The following MAPK10 variants were observed in gnomAD, a reference collection of about 807,000 sequenced individuals.
The protein encoded by MAPK10 is JNK3 alpha protein kinase.
A neutral mutation model predicts 59.3 loss-of-function variants in MAPK10; 25 were observed. That is an observed-to-expected ratio of 0.42 (90% CI 0.31 to 0.59). The LOEUF (loss-of-function observed/expected upper bound fraction) is 0.59, where lower values mean the gene tolerates loss of function less well. Ranked by LOEUF, MAPK10 falls within the 20% of genes least tolerant of loss-of-function variation. The probability of loss-of-function intolerance (pLI) is 0.15; values close to 1 mark genes in which losing one functional copy is unlikely to be tolerated. For missense variants in MAPK10, 351 were observed against 568.9 expected, an observed-to-expected ratio of 0.62 and a Z score of 3.90; for synonymous variants, 190 against 200.5, an observed-to-expected ratio of 0.95 and a Z score of 0.44.
intron 2 of MAPK10, among the ~76,000 whole-genome samples, chr4:86,286,496 A>T (rs531327780): frequency 6.6e-6 from 1 of 152,274 alleles, no homozygotes; most frequent in Non-Finnish European, 1.5e-5. Flanking sequence ...TATATTATTA[A>T]CTCATTTAAT....
At chr4:86,481,289 G>A (rs557006465) in intron 1 of MAPK10, among the ~76,000 whole-genome samples, 2 of 152,116 alleles carry the variant, frequency 1.3e-5, no homozygotes, top group African/African-American at 4.8e-5. Flanking sequence ...GAGAAAATCA[G>A]AGAGACCTTG....
In MAPK10 at chr4:86,017,622, TA is replaced by T. The variant is rs1165760623; in HGVS notation, c.1253-253del. Among the ~76,000 whole-genome samples, 5 of 152,204 alleles carry T rather than the reference TA, an allele frequency of 3.3e-5. No homozygotes were observed. Among genetic ancestry groups the T allele is most frequent in the African/African-American group, 1.2e-4 (5 of 41,458 alleles). On this transcript the variant is annotated intron_variant, in intron 13 of 13. Transcript: ENST00000641462. This position sits in a 1 kb window ranked among gnomAD's most constrained non-coding sequence, Gnocchi z 4.4. ...TGAAATCACCTGCAACACTTTCTAT[TA>T]AAAAACACTAATATCTGGTCACATT...
intron 2 of MAPK10, among the ~76,000 whole-genome samples, chr4:86,243,054 G>GCGGGAGGGGGGTCCCCTTCCC (rs1315809113): frequency 6.6e-6 from 1 of 152,200 alleles, no homozygotes; most frequent in African/African-American, 2.4e-5. Context: ...CCCTTGGCTG[G>GCGGGAGGGGGGTCCCCTTCCC]CGGGAGGGGG....
chr4:86,209,582 G>T (rs967832786), intron 2 of MAPK10, among the ~76,000 whole-genome samples: 6 of 151,928 alleles, frequency 3.9e-5, no homozygotes, highest in African/African-American at 9.7e-5. Context: ...CATATTAGTA[G>T]ATTCAAATTT....
intron 1 of MAPK10, chr4:86,399,927 T>C (rs573452205): frequency 1.3e-5 from 2 of 152,182 alleles, no homozygotes; most frequent in Non-Finnish European, 1.5e-5. Flanking sequence ...ATAATAGACA[T>C]AGAATTATCT....
chr4:86,377,213 T>C (rs754546105), intron 1 of MAPK10, among the ~76,000 whole-genome samples: 1 of 152,200 alleles, frequency 6.6e-6, no homozygotes, highest in Non-Finnish European at 1.5e-5. Flanking sequence ...GTAAAAGACA[T>C]CCAGGTTCTC....
intron 2 of MAPK10, among the ~76,000 whole-genome samples, chr4:86,215,954 AC>A (rs1296085777): frequency 6.6e-6 from 1 of 152,206 alleles, no homozygotes; most frequent in East Asian, 1.9e-4. Context: ...AACAATCAAA[AC>A]TACAGAAAAT....
chr4:86,417,146 T>C (rs1386182998), intron 1 of MAPK10, among the ~76,000 whole-genome samples: 1 of 152,256 alleles, frequency 6.6e-6, no homozygotes, highest in Non-Finnish European at 1.5e-5. Flanking sequence ...CTTTCTCTTT[T>C]ATACATTTAT....
intron 1 of MAPK10, among the ~76,000 whole-genome samples, chr4:86,538,001 G>A (rs1470049040): frequency 6.6e-6 from 1 of 152,026 alleles, no homozygotes; most frequent in East Asian, 1.9e-4. Flanking sequence ...TTCATGTATG[G>A]ATTGGTGTAG....
intron 2 of MAPK10, among the ~76,000 whole-genome samples, chr4:86,338,628 C>T (rs562814246): frequency 7.9e-5 from 12 of 152,264 alleles, no homozygotes; most frequent in Admixed American, 6.5e-4. Flanking sequence ...TTTTCTTGTA[C>T]GTGCAAGCCC....
chr4:86,041,892 G>A (rs2041605004), intron 11 of MAPK10, among the ~76,000 whole-genome samples: 1 of 152,220 alleles, frequency 6.6e-6, no homozygotes, highest in African/African-American at 2.4e-5. Flanking sequence ...TTCAGCAATT[G>A]TGGAAGACAA....
chr4:86,364,661 A>G (rs769130804), upstream of MAPK10, among the ~76,000 whole-genome samples: 19 of 152,154 alleles, frequency 1.2e-4, no homozygotes, highest in Non-Finnish European at 1.0e-4. Context: ...CAGTACCTAA[A>G]TATTTCCCAT....
At chr4:86,531,628 A>C (rs1757858197) in intron 1 of MAPK10, among the ~76,000 whole-genome samples, 1 of 152,056 alleles carries the variant, frequency 6.6e-6, no homozygotes. Context: ...CCTCTGGGAG[A>C]CGTAGTATAG....
In MAPK10 at chr4:86,063,669, A is replaced by G. The variant is rs114752552; in HGVS notation, c.1110+597T>C. Among the ~76,000 whole-genome samples the G allele has an allele frequency of 6.5e-3, 985 of 152,282 alleles. 9 individuals are homozygous for G. Among genetic ancestry groups the G allele is most frequent in the Non-Finnish European group, 0.011 (746 of 68,028 alleles). On this transcript the variant is annotated intron_variant, in intron 11 of 13. Coordinates refer to ENST00000641462, the MANE Select transcript of MAPK10 (RefSeq NM_138982.4). Reference sequence around the variant, plus strand: ...AATGGTTGAAAAATATTTTTAAAATAGAAAGAGTTATGCTTCTGAGAAGAT... The same window carrying G: ...AATGGTTGAAAAATATTTTTAAAATGGAAAGAGTTATGCTTCTGAGAAGAT...
intron 1 of MAPK10, among the ~76,000 whole-genome samples, chr4:86,384,536 T>A (rs931594423): frequency 1.3e-5 from 2 of 152,114 alleles, no homozygotes; most frequent in African/African-American, 4.8e-5. Flanking sequence ...AGGACCACTC[T>A]GGGAGCAGAA....
intron 1 of MAPK10, among the ~76,000 whole-genome samples, chr4:86,503,141 C>T (rs559046282): frequency 2.4e-4 from 36 of 152,154 alleles, no homozygotes; most frequent in African/African-American, 8.7e-4. Context: ...ATCATCTTTC[C>T]CAAACAAACT....
At chr4:86,155,528 C>T (rs746740932) in intron 4 of MAPK10, among the ~76,000 whole-genome samples, 16 of 151,738 alleles carry the variant, frequency 1.1e-4, no homozygotes, top group Admixed American at 2.0e-4. Flanking sequence ...ATTCCAAGAC[C>T]CCCAGTGGAT....
At chr4:86,565,738 T>C (rs1205961853) in intron 1 of MAPK10, among the ~76,000 whole-genome samples, 1 of 152,152 alleles carries the variant, frequency 6.6e-6, no homozygotes, top group East Asian at 1.9e-4. Context: ...CTCAACTCCA[T>C]CTTCCTATTT....
At chr4:86,374,225 GGGA>G (rs1739403611) in intron 1 of MAPK10, among the ~76,000 whole-genome samples, 2 of 152,102 alleles carry the variant, frequency 1.3e-5, no homozygotes, top group African/African-American at 4.8e-5. Flanking sequence ...CATGGACACA[GGGA>G]GGAGAATATC....
Sources: allele counts gnomAD v4.1 joint callset (sites outside exome capture counted in the v4.1 genomes callset), GRCh38; gene constraint gnomAD v4.1.1; non-coding constraint Gnocchi (gnomAD v3.1); transcripts MANE v1.5; gene names NCBI Gene and HGNC (gene_info 2026-07-23, HGNC 2026-07-21).